Variants in EPB41L3 observed in about 807,000 individuals in gnomAD.
EPB41L3 encodes the protein band 4.1-like protein 3.
In EPB41L3, 57 loss-of-function variants were observed where a neutral mutation model predicts 127.1. The ratio of observed to expected loss-of-function variants is 0.45; its 90% CI spans 0.36 to 0.56. The LOEUF (loss-of-function observed/expected upper bound fraction) is 0.56. EPB41L3 is among the 20% of genes least tolerant of loss of function. The pLI is 0.00. For missense variants in EPB41L3, 1,273 were observed against 1,372.2 expected, an observed-to-expected ratio of 0.93 and a Z score of 1.14; for synonymous variants, 572 against 549.5, an observed-to-expected ratio of 1.04 and a Z score of -0.57.
intron 3 of EPB41L3, among the ~76,000 whole-genome samples, chr18:5,591,833 AAGAGAACACTATTAAAT>A (rs1204531510): frequency 3.3e-5 from 5 of 152,222 alleles, no homozygotes; most frequent in Admixed American, 1.3e-4. Flanking sequence ...ATTTTCAGGA[AAGAGAACACTATTAAAT>A]AGATATGTGA....
At chr18:5,445,557 T>C (rs971196099) in intron 3 of EPB41L3, among the ~76,000 whole-genome samples, 1 of 152,238 alleles carries the variant, frequency 6.6e-6, no homozygotes, top group African/African-American at 2.4e-5. Context: ...AATAATGTGA[T>C]GCTTGGAAGC....
At chr18:5,541,145 C>T (rs1463658606) in intron 1 of EPB41L3, among the ~76,000 whole-genome samples, 1 of 136,098 alleles carries the variant, frequency 7.3e-6, no homozygotes, top group Admixed American at 8.0e-5. Context: ...CCCAGCTACT[C>T]GGGAGGTTGA....
intron 1 of EPB41L3, among the ~76,000 whole-genome samples, chr18:5,536,446 A>T (rs1347336562): frequency 6.6e-6 from 1 of 151,254 alleles, no homozygotes; most frequent in East Asian, 2.0e-4. Context: ...AAAAATAATG[A>T]TGTGGGTATA....
At chr18:5,587,138 A>G (rs1009980228) in intron 3 of EPB41L3, among the ~76,000 whole-genome samples, 3 of 152,160 alleles carry the variant, frequency 2.0e-5, no homozygotes, top group Admixed American at 2.0e-4. Flanking sequence ...GTAAGGAGAA[A>G]AATCTTAGGC....
chr18:5,431,208 G>A (rs1446814107), intron 8 of EPB41L3: 2 of 152,166 alleles, frequency 1.3e-5, no homozygotes, highest in Non-Finnish European at 2.9e-5. Context: ...CAAAACATAG[G>A]ACCTTTGTGT....
intron 1 of EPB41L3, among the ~76,000 whole-genome samples, chr18:5,625,768 C>T (rs966980856): frequency 3.3e-5 from 5 of 152,164 alleles, no homozygotes; most frequent in African/African-American, 1.2e-4. Flanking sequence ...CACCATAAAG[C>T]ATTCCTATCC....
At chr18:5,469,514 G>A (rs903808074) in intron 3 of EPB41L3, among the ~76,000 whole-genome samples, 3 of 152,126 alleles carry the variant, frequency 2.0e-5, no homozygotes, top group South Asian at 2.1e-4. Context: ...CTCATGCACC[G>A]ATCATCACTC....
At chr18:5,529,171 T>C (rs2093332773) in intron 1 of EPB41L3, among the ~76,000 whole-genome samples, 1 of 152,214 alleles carries the variant, frequency 6.6e-6, no homozygotes, top group Non-Finnish European at 1.5e-5. Flanking sequence ...TGCAAATCTA[T>C]GTTTAGTGCT....
At chr18:5,420,121 G>T (rs1045603444) in intron 11 of EPB41L3, 19 of 698,324 alleles carry the variant, frequency 2.7e-5, no homozygotes, top group Non-Finnish European at 4.3e-5. Context: ...CTATATGAGT[G>T]CTTTAAAATT....
intron 1 of EPB41L3, among the ~76,000 whole-genome samples, chr18:5,533,491 T>C (rs991289743): frequency 6.6e-6 from 1 of 152,206 alleles, no homozygotes; most frequent in Non-Finnish European, 1.5e-5. Context: ...CATAGCAACA[T>C]TTGTAAAGAA....
chr18:5,422,708 A>T (rs2077632311), intron 11 of EPB41L3, among the ~76,000 whole-genome samples: 1 of 152,202 alleles, frequency 6.6e-6, no homozygotes, highest in Non-Finnish European at 1.5e-5. Context: ...TGTTCGATAA[A>T]ACAAAACCCT....
chr18:5,420,215 T>C (rs1598715834), intron 11 of EPB41L3: 1 of 373,722 alleles, frequency 2.7e-6, no homozygotes, highest in Non-Finnish European at 4.9e-6. Context: ...GAGTGGAGGG[T>C]CATGAGGCGA....
chr18:5,550,408 T>C (rs1001840268), intron 3 of EPB41L3, among the ~76,000 whole-genome samples: 1 of 152,198 alleles, frequency 6.6e-6, no homozygotes, highest in Admixed American at 6.5e-5. Flanking sequence ...GTTGTTAATT[T>C]TAGTGTTCAG....
intron 3 of EPB41L3, among the ~76,000 whole-genome samples, chr18:5,551,859 T>A (rs915867431): frequency 1.3e-5 from 2 of 152,202 alleles, no homozygotes; most frequent in African/African-American, 4.8e-5. Flanking sequence ...AAATTTTAAA[T>A]ATTGATGCTT....
intron 13 of EPB41L3, among the ~76,000 whole-genome samples, chr18:5,413,742 A>G (rs762843176): frequency 6.6e-6 from 1 of 152,212 alleles, no homozygotes; most frequent in Non-Finnish European, 1.5e-5. Context: ...GTCTGATGGC[A>G]GGAGAGCTAT....
At chr18:5,531,789 T>C (rs980296242) in intron 1 of EPB41L3, among the ~76,000 whole-genome samples, 30 of 151,308 alleles carry the variant, frequency 2.0e-4, no homozygotes, top group Admixed American at 1.9e-3. Context: ...CAAACTTTGG[T>C]GCAAACTTTG....
At chr18:5,433,029 T>C (rs1467233647) in intron 8 of EPB41L3, among the ~76,000 whole-genome samples, 2 of 152,034 alleles carry the variant, frequency 1.3e-5, no homozygotes, top group Admixed American at 1.3e-4. Flanking sequence ...GACAGACAGA[T>C]AGGAAAGAGG....
chr18:5,613,918 A>C (rs1238693387), intron 2 of EPB41L3, among the ~76,000 whole-genome samples: 2 of 152,232 alleles, frequency 1.3e-5, no homozygotes, highest in Admixed American at 6.5e-5. Flanking sequence ...AAACGTTCTC[A>C]GTTGTAATTT....
At chr18:5,404,973 T>C (rs2075123167) in intron 16 of EPB41L3, among the ~76,000 whole-genome samples, 2 of 152,212 alleles carry the variant, frequency 1.3e-5, no homozygotes, top group Non-Finnish European at 2.9e-5. Context: ...CTCTTGAAAC[T>C]CAGTAGTTTG....
Sources: gnomAD v4.1 joint callset for allele counts (sites outside exome capture counted in the v4.1 genomes callset) on GRCh38, gnomAD v4.1.1 for gene constraint, MANE v1.5 for transcripts, NCBI Gene and HGNC (gene_info 2026-07-23, HGNC 2026-07-21) for gene names.